The following PLCB1 variants were observed in gnomAD, a reference collection of about 807,000 sequenced individuals.
The protein encoded by PLCB1 is 1-phosphatidylinositol 4,5-bisphosphate phosphodiesterase beta-1.
A neutral mutation model predicts 161.8 loss-of-function variants in PLCB1; 46 were observed. The ratio of observed to expected loss-of-function variants is 0.28; its 90% CI spans 0.22 to 0.36. PLCB1 has a LOEUF of 0.36. PLCB1 is among the 10% of genes least tolerant of loss of function. PLCB1 has a pLI of 1.00. For missense variants in PLCB1, 1,016 were observed against 1,472.5 expected (o/e 0.69, Z 5.07); for synonymous variants, 517 against 503.7 (o/e 1.03, Z -0.35).
At chr20:8,542,024 T>C (rs1297244948) in intron 3 of PLCB1, among the ~76,000 whole-genome samples, 3 of 152,240 alleles carry the variant, frequency 2.0e-5, no homozygotes, top group African/African-American at 7.2e-5. Flanking sequence ...AACATGTTTG[T>C]GCAGGGTTCT....
intron 3 of PLCB1, among the ~76,000 whole-genome samples, chr20:8,440,934 T>C (rs1482237435): frequency 6.6e-6 from 1 of 152,076 alleles, no homozygotes; most frequent in Non-Finnish European, 1.5e-5. Flanking sequence ...ATACAATTAT[T>C]ATGTGTCAAT....
intron 23 of PLCB1, among the ~76,000 whole-genome samples, chr20:8,752,717 C>A (rs1981544272): frequency 6.6e-6 from 1 of 151,006 alleles, no homozygotes; most frequent in African/African-American, 2.4e-5. Flanking sequence ...CGCTTGAACC[C>A]AGGAGGTGGA....
At chr20:8,807,452 C>T (rs921151709) in intron 31 of PLCB1, among the ~76,000 whole-genome samples, 2 of 152,056 alleles carry the variant, frequency 1.3e-5, no homozygotes, top group African/African-American at 2.4e-5. Flanking sequence ...AAATTGCTCA[C>T]ATTTAGTATT....
intron 9 of PLCB1, among the ~76,000 whole-genome samples, chr20:8,675,323 G>A (rs1475855095): frequency 1.3e-5 from 2 of 152,190 alleles, no homozygotes; most frequent in Non-Finnish European, 2.9e-5. Context: ...GTACCTGGGA[G>A]CTCAAGCTTC....
At position 8,417,392 on chromosome 20, in the gene PLCB1, A is replaced by G. The variant is rs924288612; in HGVS notation, c.246+45942A>G. Among the ~76,000 whole-genome samples the G allele has an allele frequency of 4.6e-5, 7 of 151,748 alleles. No individual in the cohort carries two copies. In the East Asian group the frequency reaches 9.6e-4, roughly 21 times the overall value. On this transcript the variant is annotated intron_variant, in intron 3 of 31. Transcript: ENST00000338037. ...ATTTATAACACACACATATATATGT[A>G]TATAACAAATCAAATTTGATCTTAG...
At chr20:8,859,575 G>GT (rs937703097) in intron 31 of PLCB1, among the ~76,000 whole-genome samples, 19 of 148,940 alleles carry the variant, frequency 1.3e-4, no homozygotes, top group African/African-American at 2.2e-4. Context: ...AAACCTTTTG[G>GT]TTTTTTTTTT....
intron 2 of PLCB1, among the ~76,000 whole-genome samples, chr20:8,154,296 A>G (rs2051538454): frequency 6.6e-6 from 1 of 152,164 alleles, no homozygotes; most frequent in East Asian, 1.9e-4. Context: ...ACATTCTTTC[A>G]TATTGCTCTA....
In PLCB1 at chr20:8,240,712, G is replaced by A. The variant is rs903145220; in HGVS notation, c.177+90341G>A. Reference sequence around the variant, plus strand: ...TTTTAGAAATTAAGAAGGTTAAGAAGGTAAGGCACAGAGATTTTATAGCTT... The same window carrying A: ...TTTTAGAAATTAAGAAGGTTAAGAAAGTAAGGCACAGAGATTTTATAGCTT... On this transcript the variant is annotated intron_variant, in intron 2 of 31. Coordinates refer to ENST00000338037, the MANE Select transcript of PLCB1 (RefSeq NM_015192.4). Among the ~76,000 whole-genome samples the A allele has an allele frequency of 3.9e-5, 6 of 151,992 alleles. No homozygotes were observed. In the East Asian group the frequency reaches 7.8e-4, roughly 20 times the overall value.
At chr20:8,240,306 GCA>G (rs1243676536) in intron 2 of PLCB1, among the ~76,000 whole-genome samples, 20 of 77,130 alleles carry the variant, frequency 2.6e-4, no homozygotes, top group Non-Finnish European at 4.7e-4. Flanking sequence ...ACACACACAC[GCA>G]CACACACACA....
intron 3 of PLCB1, among the ~76,000 whole-genome samples, chr20:8,571,939 T>G (rs1986534625): frequency 6.6e-6 from 1 of 152,146 alleles, no homozygotes; most frequent in Non-Finnish European, 1.5e-5. Context: ...ATAAAGATAC[T>G]AAAATAGAAC....
chr20:8,752,062 A>G (rs1484631054), intron 23 of PLCB1: 2 of 152,008 alleles, frequency 1.3e-5, no homozygotes, highest in African/African-American at 4.8e-5. Context: ...TTTTTCAGCC[A>G]TTGTTTTGCT....
At chr20:8,500,706 T>C (rs560191589) in intron 3 of PLCB1, among the ~76,000 whole-genome samples, 1 of 152,344 alleles carries the variant, frequency 6.6e-6, no homozygotes, top group African/African-American at 2.4e-5. Context: ...TCTTTATTTT[T>C]ATTATACATC....
intron 2 of PLCB1, among the ~76,000 whole-genome samples, chr20:8,358,469 T>G (rs1161346941): frequency 6.6e-6 from 1 of 152,120 alleles, no homozygotes; most frequent in Non-Finnish European, 1.5e-5. Context: ...CAGGCTAGTC[T>G]TGAACTCCTG....
intron 3 of PLCB1, among the ~76,000 whole-genome samples, chr20:8,431,365 A>G (rs1313014360): frequency 3.3e-5 from 5 of 152,216 alleles, no homozygotes; most frequent in Non-Finnish European, 7.3e-5. Context: ...TGGAAACACC[A>G]ACCTTTTTTG....
intron 5 of PLCB1, among the ~76,000 whole-genome samples, chr20:8,647,398 G>A (rs1989198274): frequency 1.3e-5 from 2 of 152,144 alleles, no homozygotes; most frequent in African/African-American, 4.8e-5. Context: ...ATGTCTTTTA[G>A]TGAACATATT....
chr20:8,875,689 T>A (rs1987756816), intron 31 of PLCB1, among the ~76,000 whole-genome samples: 2 of 151,812 alleles, frequency 1.3e-5, no homozygotes, highest in Non-Finnish European at 1.5e-5. Context: ...TATTTTTTTT[T>A]AAGTTTTCTC....
chr20:8,682,648 G>T (rs78840051), intron 9 of PLCB1, among the ~76,000 whole-genome samples: 4 of 152,140 alleles, frequency 2.6e-5, no homozygotes, highest in Non-Finnish European at 4.4e-5. Context: ...TTTACAAATG[G>T]CACATCTCTT....
At chr20:8,149,237 A>C (rs1416908485) in intron 1 of PLCB1, among the ~76,000 whole-genome samples, 1 of 152,180 alleles carries the variant, frequency 6.6e-6, no homozygotes, top group Non-Finnish European at 1.5e-5. Context: ...TTCTCACAGC[A>C]ACCTTCTGAG....
intron 3 of PLCB1, among the ~76,000 whole-genome samples, chr20:8,481,658 G>A (rs1227973329): frequency 6.6e-6 from 1 of 152,068 alleles, no homozygotes; most frequent in African/African-American, 2.4e-5. Flanking sequence ...ATTTTGGGGG[G>A]GAATTCTTTT....
Sources: allele counts gnomAD v4.1 joint callset (sites outside exome capture counted in the v4.1 genomes callset), GRCh38; gene constraint gnomAD v4.1.1; transcripts MANE v1.5; gene names NCBI Gene and HGNC (gene_info 2026-07-23, HGNC 2026-07-21).